Variants in GAK observed in about 807,000 individuals in gnomAD.
GAK encodes the protein cyclin-G-associated kinase.
Under a neutral mutation model 143.9 loss-of-function variants are expected in GAK, and 79 were observed. That is an observed-to-expected ratio of 0.55 (90% CI 0.46 to 0.66). The LOEUF is 0.66. Among genes scored for constraint, GAK ranks in the 30% least tolerant of loss-of-function variants. GAK has a pLI of 0.00. For synonymous variants in GAK, 881 were observed against 765.5 expected, an observed-to-expected ratio of 1.15 and a Z score of -2.49; for missense variants, 1,693 against 1,779.7, an observed-to-expected ratio of 0.95 and a Z score of 0.88.
chr4:884,131 C>G (rs41286653), intron 11 of GAK, 45 bp from the exon 12 acceptor site: 1 of 1,558,510 alleles, frequency 6.4e-7, no homozygotes, highest in Admixed American at 1.7e-5. Context: ...AGAAACACTC[C>G]GCAGTTAGGT....
rs150760089 is a variant in GAK, at chr4:859,649, C to T, written c.3240G>A (p.Pro1080=). 6.9e-6 allele frequency: 11 copies of T among 1,603,070 alleles called. No individual in the cohort carries two copies. The highest frequency in any genetic ancestry group is 2.2e-5 in the South Asian group (2 of 90,840). ...SQASWTKSQN[P]DPFADLGDLS... ...GGTCGCCAAGGTCAGCAAATGGGTC[C>T]GGGTTCTGAGACTTGGTCCAGCTGG... The change falls in exon 24 of 28, where the codon CCG becomes CCA. Residue 1080 remains proline (P), a synonymous_variant. Transcript: ENST00000314167.
chr4:927,655 C>T (rs1436286771), intron 1 of GAK, among the ~76,000 whole-genome samples: 1 of 81,090 alleles, frequency 1.2e-5, no homozygotes, highest in South Asian at 5.2e-4. Flanking sequence ...CACCCCTCCC[C>T]GCTCACCTGT....
intron 24 of GAK, among the ~76,000 whole-genome samples, chr4:856,539 G>GGCTAATT (rs1749274673): frequency 7.3e-6 from 1 of 136,524 alleles, no homozygotes. Flanking sequence ...CACCACAGCT[G>GGCTAATT]CTCACACCTG....
chr4:866,342 C>A (rs1288338551), intron 22 of GAK, 22 bp downstream of exon 22: 1 of 1,611,220 alleles, frequency 6.2e-7, no homozygotes, highest in Non-Finnish European at 8.5e-7. Context: ...GGAGAGCTGG[C>A]TGCCAGGCGA....
Position 932,218 on chromosome 4 carries a change from C to G in GAK, c.-31G>C, listed in dbSNP as rs1199023135. The G allele has an allele frequency of 1.3e-6, 2 of 1,508,728 alleles. No individual in the cohort carries two copies. Among genetic ancestry groups the G allele is most frequent in the East Asian group, 2.7e-5 (1 of 37,144 alleles). 93.5% of individuals were successfully genotyped at this position (1,508,728 alleles called of 1,614,324 possible). A position where few individuals can be genotyped will look rare whatever the true frequency, so the allele number is the denominator to read the frequency against. ...TGGCTGCGCCGCACCCCGCGGCAGC[C>G]GGAGTGGTCGGGCTCGGGCTCCCGC... On this transcript the variant is annotated 5_prime_UTR_variant, in exon 1 of 28. Transcript: ENST00000314167. The surrounding 1 kb of genome is among the most constrained non-coding windows in gnomAD (Gnocchi z 4.0).
intron 18 of GAK, among the ~76,000 whole-genome samples, chr4:875,774 T>A (rs1194870910): frequency 6.6e-6 from 1 of 152,224 alleles, no homozygotes; most frequent in Non-Finnish European, 1.5e-5. Context: ...GAAACCCATC[T>A]CTACTAAAAA....
At position 877,710 on chromosome 4, in the gene GAK, C is replaced by T; in HGVS notation, c.1761G>A (p.Leu587=). Residue 587 remains leucine (L), a synonymous_variant, in exon 16 of 28, where the codon CTG becomes CTA. Coordinates refer to ENST00000314167, the MANE Select transcript of GAK (RefSeq NM_005255.4). The part of the protein sequence containing the change: ...VRAVVMTPVP[L]FSKQRSGCRP... ...TGCAGCCGCTCCTCTGCTTGCTGAACAGCGGCACGGGTGTCATGACCACGG... is the reference window on the plus strand; with the variant it reads ...TGCAGCCGCTCCTCTGCTTGCTGAATAGCGGCACGGGTGTCATGACCACGG... The T allele has an allele frequency of 6.2e-7, 1 of 1,613,502 alleles. No individual in the cohort carries two copies. The highest frequency in any genetic ancestry group is 8.5e-7 in the Non-Finnish European group (1 of 1,179,946).
At chr4:888,664 GCT>G in intron 11 of GAK, 181 bp downstream of exon 11, 1 of 690,580 alleles carries the variant, frequency 1.4e-6, no homozygotes, top group South Asian at 1.9e-5. Context: ...GATCTGCCTG[GCT>G]CTGTGGGATG....
chr4:871,320 G>A (rs991339583), intron 18 of GAK, among the ~76,000 whole-genome samples: 1 of 152,188 alleles, frequency 6.6e-6, no homozygotes, highest in African/African-American at 2.4e-5. Context: ...CTCTGAGGTG[G>A]GACCCCAGGG....
rs748091419 is a variant in GAK, at chr4:904,707, A to C, written c.455T>G (p.Phe152Cys). The change falls in exon 5 of 28, where the codon TTC becomes TGC. Residue 152 changes from phenylalanine (F) to cysteine (C), a missense_variant. Physicochemically the swap from Phe to Cys is radical, Grantham distance 205 (BLOSUM62 -2). This residue lies in a region of GAK where 871 missense variants were observed against 991.0 expected (regional missense o/e 0.88). Coordinates refer to ENST00000314167, the MANE Select transcript of GAK (RefSeq NM_005255.4). ...PLSCDTVLKI[F>C]YQTCRAVQHM... is the part of the protein sequence containing the mutation. Reference sequence around the variant, plus strand: ...CTGCACGGCGCGGCACGTCTGGTAGAAGATCTTCAGAACCGTGTCGCACGA... The same window carrying C: ...CTGCACGGCGCGGCACGTCTGGTAGCAGATCTTCAGAACCGTGTCGCACGA... 8.1e-6 allele frequency: 13 copies of C among 1,613,928 alleles called. No individual in the cohort carries two copies. The highest frequency in any genetic ancestry group is 2.7e-5 in the African/African-American group (2 of 74,926).
chr4:885,059 CG>C (rs1560356026), intron 11 of GAK, among the ~76,000 whole-genome samples: 1 of 138,406 alleles, frequency 7.2e-6, no homozygotes, highest in Non-Finnish European at 1.6e-5. Flanking sequence ...CTAAACCCAC[CG>C]AGCAGGTGCT....
chr4:852,173 G>A (rs1455246791), intron 24 of GAK, 199 bp from the exon 25 acceptor site: 4 of 622,476 alleles, frequency 6.4e-6, no homozygotes, highest in Non-Finnish European at 1.2e-5. Flanking sequence ...CCAGGTGCTG[G>A]GGCGACGGGA....
At chr4:912,678 G>A (rs769484004) in intron 3 of GAK, 57 bp downstream of exon 3, 83 of 1,408,948 alleles carry the variant, frequency 5.9e-5, no homozygotes, top group South Asian at 9.4e-5. Flanking sequence ...ACAGCTTGAC[G>A]CAGGCCTGTG....
At position 898,160 on chromosome 4, in the gene GAK, T is replaced by C. The variant is rs1349853176; in HGVS notation, c.526-2A>G. On this transcript the variant is annotated splice_acceptor_variant, in intron 5 of 27. Coordinates refer to ENST00000314167, the MANE Select transcript of GAK (RefSeq NM_005255.4). LOFTEE classifies it high-confidence loss of function. Reference sequence around the variant, plus strand: ...GTTACTAAGCAACAAGTTCTCAACCTGTAAAATTCCACAAGACAGCCCCGT... The same window carrying C: ...GTTACTAAGCAACAAGTTCTCAACCCGTAAAATTCCACAAGACAGCCCCGT... The C allele has an allele frequency of 1.2e-6, 2 of 1,613,614 alleles. No individual in the cohort carries two copies.
At chr4:908,658 C>T (rs951278072) in intron 4 of GAK, among the ~76,000 whole-genome samples, 5 of 152,192 alleles carry the variant, frequency 3.3e-5, no homozygotes, top group South Asian at 4.2e-4. Context: ...CATGGTGGTG[C>T]ACACCTGAAG....
rs113754484 is a variant in GAK, at chr4:862,900, T to A, written c.3166+2222A>T. ...TACGCAGACAGTCACGCTGCTTTCA[T>A]GCCTGCTAACACAACATCTGTTCTG... is the stretch of plus-strand genomic sequence containing the variant. On this transcript the variant is annotated intron_variant, in intron 23 of 27. Transcript: ENST00000314167. Among the ~76,000 whole-genome samples the A allele has an allele frequency of 1.4e-3, 218 of 152,372 alleles. 3 individuals carry two copies. The highest frequency in any genetic ancestry group is 4.9e-3 in the African/African-American group (202 of 41,594).
chr4:897,237 G>A (rs1718977768), intron 6 of GAK, among the ~76,000 whole-genome samples: 1 of 152,348 alleles, frequency 6.6e-6, no homozygotes, highest in African/African-American at 2.4e-5. Flanking sequence ...GGGCTCTGCA[G>A]TTATACAGCA....
At chr4:911,026 C>T (rs1364642021) in intron 4 of GAK, among the ~76,000 whole-genome samples, 3 of 152,144 alleles carry the variant, frequency 2.0e-5, no homozygotes, top group Non-Finnish European at 4.4e-5. Context: ...CCCGCAGTCA[C>T]TCACACAGAC....
At position 932,291 on chromosome 4, in the gene GAK, C is replaced by G; in HGVS notation, c.-104G>C. ...CAGCAACCGCCGGCCCGGAGGTGCA[C>G]CATCTTCCGCCTCGACGCCGTGACG... On this transcript the variant is annotated 5_prime_UTR_variant, in exon 1 of 28. Transcript: ENST00000314167. This position sits in a 1 kb window ranked among gnomAD's most constrained non-coding sequence, Gnocchi z 4.0. 1 of 1,388,792 alleles carries G rather than the reference C, an allele frequency of 7.2e-7. No homozygotes were observed. The highest frequency in any genetic ancestry group is 1.5e-5 in the African/African-American group (1 of 65,572). The allele number at this position is 1,388,792 out of a possible 1,614,324, so 86.0% of individuals were successfully genotyped here.
Sources: gnomAD v4.1 joint callset for allele counts (sites outside exome capture counted in the v4.1 genomes callset) on GRCh38, gnomAD v4.1.1 for gene constraint, gnomAD v4.1.1 regional missense constraint, Gnocchi (gnomAD v3.1) non-coding constraint, MANE v1.5 for transcripts, NCBI Gene and HGNC (gene_info 2026-07-23, HGNC 2026-07-21) for gene names.